Variants in KIAA0586 observed in about 807,000 individuals in gnomAD.
KIAA0586 encodes protein TALPID3.
A neutral mutation model predicts 169.8 loss-of-function variants in KIAA0586; 144 were observed. The ratio of observed to expected loss-of-function variants is 0.85; its 90% CI spans 0.74 to 0.97. The LOEUF is 0.97. Ranked by LOEUF, KIAA0586 falls within the 50% of genes least tolerant of loss-of-function variation. The probability of loss-of-function intolerance (pLI) is 0.00; values close to 1 mark genes in which losing one functional copy is unlikely to be tolerated. For synonymous variants in KIAA0586, 625 were observed against 612.4 expected (o/e 1.02, Z -0.30); for missense variants, 1,854 against 1,823.0 (o/e 1.02, Z -0.31).
At position 58,443,992 on chromosome 14, in the gene KIAA0586, A is replaced by T. The variant is rs2038637300; in HGVS notation, c.624A>T (p.Thr208=). ...TGGAAGCAAAAGTCAATTCTGTTAC[A>T]GAATTACTTAGTAAATTACAGGAGA... ...SDLEAKVNSV[T]ELLSKLQETD... The change falls in exon 6 of 31, where the codon ACA becomes ACT. Residue 208 remains threonine (T), a synonymous_variant. Transcript: ENST00000652326. 1 of 1,610,182 alleles carries T rather than the reference A, an allele frequency of 6.2e-7. No homozygotes were observed. The highest frequency in any genetic ancestry group is 8.5e-7 in the Non-Finnish European group (1 of 1,177,830).
At chr14:58,439,696 AG>A (rs1159330668) in intron 4 of KIAA0586, 1 of 220,870 alleles carries the variant, frequency 4.5e-6, no homozygotes, top group Non-Finnish European at 7.6e-6. Context: ...ACGGTAAGCA[AG>A]TAGAGAAGTC....
chr14:58,517,581 A>AGG, intron 29 of KIAA0586, among the ~76,000 whole-genome samples: 4 of 152,182 alleles, frequency 2.6e-5, no homozygotes, highest in African/African-American at 9.6e-5. Context: ...TATAAAATTA[A>AGG]ACATAAATTT....
chr14:58,547,638 T>C, intron 30 of KIAA0586, 143 bp from the exon 31 acceptor site: 3 of 695,504 alleles, frequency 4.3e-6, no homozygotes, highest in Non-Finnish European at 7.2e-6. Flanking sequence ...TCTGAGCACC[T>C]TGGGACAAGA....
intron 7 of KIAA0586, 109 bp from the exon 8 acceptor site, chr14:58,450,467 TTCA>T (rs2039273399): frequency 4.7e-6 from 3 of 644,752 alleles, no homozygotes; most frequent in South Asian, 4.0e-5. Context: ...TAATAATTTG[TTCA>T]TCATTTATAA....
the KIAA0586 span, among the ~76,000 whole-genome samples, chr14:58,560,243 G>A: frequency 6.6e-6 from 1 of 152,070 alleles, no homozygotes; most frequent in Non-Finnish European, 1.5e-5. Flanking sequence ...ATGGTTAGCT[G>A]GGATTGGGAA....
In KIAA0586 at chr14:58,512,422, A is replaced by G. The variant is rs2044455796; in HGVS notation, c.4324-100A>G. 9 of 631,268 alleles carry G rather than the reference A, an allele frequency of 1.4e-5. No homozygotes were observed. The East Asian group carries it at 3.0e-4, about 21-fold the overall frequency. 39.1% of individuals were successfully genotyped at this position (631,268 alleles called of 1,614,324 possible). A position where few individuals can be genotyped will look rare whatever the true frequency, so the allele number is the denominator to read the frequency against. On this transcript the variant is annotated intron_variant, in intron 28 of 30. Transcript: ENST00000652326. ...AATAAAAAGCAACTAGAAAGCAAGCATATTATTAAAATTTTATAAACACTT... is the reference window on the plus strand; with the variant it reads ...AATAAAAAGCAACTAGAAAGCAAGCGTATTATTAAAATTTTATAAACACTT...
At position 58,498,677 on chromosome 14, in the gene KIAA0586, A is replaced by T. The variant is rs542736497; in HGVS notation, c.3991-106A>T. On this transcript the variant is annotated intron_variant, in intron 26 of 30. Coordinates refer to ENST00000652326, the MANE Select transcript of KIAA0586 (RefSeq NM_001329943.3). ...TGGCATAGAAGGCAGTTTGTAAAAT[A>T]CCTTCCAAGGAGTCAAAGGGTATTG... is the stretch of plus-strand genomic sequence containing the variant. The T allele has an allele frequency of 5.2e-5, 48 of 927,234 alleles. No individual in the cohort carries two copies. In the Admixed American group the frequency reaches 1.0e-3, roughly 20 times the overall value. The allele number at this position is 927,234 out of a possible 1,614,324, so 57.4% of individuals were successfully genotyped here.
At chr14:58,543,819 T>C (rs1351790882) in intron 30 of KIAA0586, 1 of 433,174 alleles carries the variant, frequency 2.3e-6, no homozygotes, top group Non-Finnish European at 4.6e-6. Flanking sequence ...GTCTCCCGTC[T>C]CTCTATTTTC....
chr14:58,507,805 G>A (rs964149391), intron 27 of KIAA0586, among the ~76,000 whole-genome samples: 4 of 150,468 alleles, frequency 2.7e-5, no homozygotes, highest in African/African-American at 4.9e-5. Context: ...TTTATTTAGA[G>A]ACGAGGTCTC....
At chr14:58,528,240 C>T (rs1010128623) in intron 29 of KIAA0586, among the ~76,000 whole-genome samples, 10 of 152,156 alleles carry the variant, frequency 6.6e-5, no homozygotes, top group Non-Finnish European at 1.2e-4. Context: ...CTTAGACTCC[C>T]ACACAATAAT....
rs375117701 is a variant in KIAA0586, at chr14:58,538,746, GGT to G, written c.4430-1324_4430-1323del. Among the ~76,000 whole-genome samples, 426 of 150,770 alleles carry G rather than the reference GGT, an allele frequency of 2.8e-3. 4 individuals are homozygous for G. The highest frequency in any genetic ancestry group is 1.0e-2 in the African/African-American group (408 of 40,930). The stretch of plus-strand genomic sequence containing the variant: ...GCTCTCACTACCATTCCCAGCCTGT[GGT>G]AACCATCCTTCTACTGCCTATCTCC... On this transcript the variant is annotated intron_variant, in intron 29 of 30. Transcript: ENST00000652326.
intron 15 of KIAA0586, among the ~76,000 whole-genome samples, chr14:58,466,850 C>G (rs1247525393): frequency 6.6e-6 from 1 of 152,102 alleles, no homozygotes; most frequent in East Asian, 1.9e-4. Context: ...TACTTTTGAA[C>G]TAGGCTATCA....
intron 27 of KIAA0586, among the ~76,000 whole-genome samples, chr14:58,505,567 A>G (rs2043880250): frequency 6.6e-6 from 1 of 152,158 alleles, no homozygotes. Context: ...GTTTAAACCA[A>G]TTTATTTTTA....
chr14:58,532,865 A>G (rs573284024), intron 29 of KIAA0586, among the ~76,000 whole-genome samples: 2 of 152,214 alleles, frequency 1.3e-5, no homozygotes, highest in Non-Finnish European at 2.9e-5. Context: ...AAATGGTAAA[A>G]CAAATTACTC....
At chr14:58,561,152 C>G in the KIAA0586 span, among the ~76,000 whole-genome samples, 1 of 152,182 alleles carries the variant, frequency 6.6e-6, no homozygotes, top group African/African-American at 2.4e-5. Flanking sequence ...TCATCACTTT[C>G]ACTGCATGAT....
Position 58,429,653 on chromosome 14 carries a change from T to C in KIAA0586, c.270+220T>C, listed in dbSNP as rs761692241. 2.6e-4 allele frequency among the ~76,000 whole-genome samples: 39 copies of C among 152,158 alleles called. 1 individual carries two copies. Among genetic ancestry groups the C allele is most frequent in the Non-Finnish European group, 7.4e-5 (5 of 67,994 alleles). ...TCAAAAATACCTATTAGTAAGATAA[T>C]GGCCGCTGAAAGAGATAGGATAACT... is the stretch of plus-strand genomic sequence containing the variant. On this transcript the variant is annotated intron_variant, in intron 2 of 30. Coordinates refer to ENST00000652326, the MANE Select transcript of KIAA0586 (RefSeq NM_001329943.3).
intron 29 of KIAA0586, among the ~76,000 whole-genome samples, chr14:58,531,190 G>A (rs1731558558): frequency 6.6e-6 from 1 of 151,538 alleles, no homozygotes; most frequent in Non-Finnish European, 1.5e-5. Context: ...AGCCGGGCAT[G>A]GTGGTGGGCA....
Position 58,502,066 on chromosome 14 carries a change from C to T in KIAA0586, c.4168+3106C>T, listed in dbSNP as rs373336932. Among the ~76,000 whole-genome samples the T allele has an allele frequency of 3.9e-5, 6 of 152,206 alleles. 1 individual carries two copies. The highest frequency in any genetic ancestry group is 2.4e-5 in the African/African-American group (1 of 41,552). ...CACCATGTTAACCAGTCCATAGGGCCGTGAATGATGTGGTAGCAGACATCT... is the reference window on the plus strand; with the variant it reads ...CACCATGTTAACCAGTCCATAGGGCTGTGAATGATGTGGTAGCAGACATCT... On this transcript the variant is annotated intron_variant, in intron 27 of 30. Transcript: ENST00000652326.
Position 58,467,688 on chromosome 14 carries a change from C to G in KIAA0586, c.2255-47C>G, listed in dbSNP as rs893441639. ...TCCAGATGGTATATTAGACTTTTCC[C>G]TTTTTTTCTGAACTAGTTGACTTAT... On this transcript the variant is annotated intron_variant, in intron 15 of 30. Coordinates refer to ENST00000652326, the MANE Select transcript of KIAA0586 (RefSeq NM_001329943.3). The G allele has an allele frequency of 6.4e-6, 9 of 1,416,398 alleles. No individual in the cohort carries two copies. In the Admixed American group the frequency reaches 8.2e-5, roughly 13 times the overall value. The allele number at this position is 1,416,398 out of a possible 1,614,324, so 87.7% of individuals were successfully genotyped here. A position where few individuals can be genotyped will look rare whatever the true frequency, so the allele number is the denominator to read the frequency against.
Sources: gnomAD v4.1 joint callset for allele counts (sites outside exome capture counted in the v4.1 genomes callset) on GRCh38, gnomAD v4.1.1 for gene constraint, MANE v1.5 for transcripts, NCBI Gene and HGNC (gene_info 2026-07-23, HGNC 2026-07-21) for gene names.